APTX: variants seen among roughly 807,000 people sequenced by gnomAD.
APTX encodes aprataxin, also known as forkhead-associated domain histidine triad-like protein.
In APTX, 33 loss-of-function variants were observed where a neutral mutation model predicts 42.3. The ratio of observed to expected loss-of-function variants is 0.78; its 90% CI spans 0.59 to 1.04. The LOEUF (loss-of-function observed/expected upper bound fraction) is 1.04, where lower values mean the gene tolerates loss of function less well. APTX is among the 50% of genes least tolerant of loss of function. The pLI is 0.00. For synonymous variants in APTX, 130 were observed against 146.7 expected (o/e 0.89, Z 0.82); for missense variants, 421 against 415.1 (o/e 1.01, Z -0.12).
chr9:32,997,567 T>C (rs1157578614), intron 1 of APTX, among the ~76,000 whole-genome samples: 1 of 151,850 alleles, frequency 6.6e-6, no homozygotes, highest in Non-Finnish European at 1.5e-5. Context: ...AGCAGCCTAA[T>C]TAGGTGAGGA....
At chr9:32,974,185 T>A (rs1005785149) in intron 7 of APTX, among the ~76,000 whole-genome samples, 1 of 152,178 alleles carries the variant, frequency 6.6e-6, no homozygotes, top group Non-Finnish European at 1.5e-5. Flanking sequence ...CCACTAATTC[T>A]CACGGCAGCC....
chr9:32,978,228 C>G (rs775892796), intron 6 of APTX, among the ~76,000 whole-genome samples: 3 of 152,178 alleles, frequency 2.0e-5, no homozygotes, highest in Non-Finnish European at 4.4e-5. Context: ...GGAAACTCAG[C>G]AAGGCCTGTC....
At chr9:32,999,108 C>A (rs1207536533) in intron 1 of APTX, among the ~76,000 whole-genome samples, 1 of 152,160 alleles carries the variant, frequency 6.6e-6, no homozygotes, top group African/African-American at 2.4e-5. Context: ...TTGAATAAAT[C>A]ATCTGAGAGC....
At chr9:33,011,697 A>G (rs1445749234) in intron 1 of APTX, among the ~76,000 whole-genome samples, 1 of 152,202 alleles carries the variant, frequency 6.6e-6, no homozygotes, top group East Asian at 1.9e-4. Context: ...TTCATCAAAC[A>G]CTTAAGAGTG....
upstream of APTX, among the ~76,000 whole-genome samples, chr9:33,004,375 C>T (rs1385853066): frequency 2.0e-5 from 3 of 152,336 alleles, no homozygotes; most frequent in African/African-American, 4.8e-5. Flanking sequence ...CACCATTATA[C>T]ACTTCATCCA....
chr9:32,985,754 G>A (rs931764783), intron 5 of APTX, among the ~76,000 whole-genome samples: 4 of 152,168 alleles, frequency 2.6e-5, no homozygotes, highest in African/African-American at 9.7e-5. Context: ...ACAAGGCAGA[G>A]GGGATATTCA....
chr9:33,012,864 C>T (rs74907412), intron 1 of APTX, among the ~76,000 whole-genome samples: 10,739 of 152,252 alleles, frequency 0.071, 516 homozygotes, highest in Non-Finnish European at 0.11. Flanking sequence ...ATTCCTACCA[C>T]GTTCTGGAAG....
intron 1 of APTX, among the ~76,000 whole-genome samples, chr9:32,993,129 G>C (rs1205086740): frequency 6.6e-6 from 1 of 152,232 alleles, no homozygotes; most frequent in Non-Finnish European, 1.5e-5. Context: ...CCAGTGAGCA[G>C]CAGAGAGCAT....
intron 1 of APTX, among the ~76,000 whole-genome samples, chr9:33,020,895 C>T (rs758189698): frequency 3.3e-5 from 5 of 152,052 alleles, no homozygotes; most frequent in East Asian, 1.9e-4. Context: ...TTTGGGAGGC[C>T]GAGGCGGGCA....
intron 6 of APTX, among the ~76,000 whole-genome samples, chr9:32,982,164 A>G (rs750013554): frequency 2.0e-5 from 3 of 152,186 alleles, no homozygotes; most frequent in Non-Finnish European, 2.9e-5. Context: ...AAAAAAATGC[A>G]TAACGTCAAC....
chr9:32,972,982 T>C lies in APTX; in HGVS notation c.*516A>G, dbSNP rs563932179. 7.7e-5 allele frequency: 35 copies of C among 453,940 alleles called. No individual in the cohort carries two copies. The highest frequency in any genetic ancestry group is 6.8e-4 in the Middle Eastern group (1 of 1,466). The allele number at this position is 453,940 out of a possible 1,614,324, so 28.1% of individuals were successfully genotyped here. The stretch of plus-strand genomic sequence containing the variant: ...TTAGGTAATCTGGGATAGAAGGGCA[T>C]GGAAGGACTGGACAAACTAAGCCTC... On this transcript the variant is annotated 3_prime_UTR_variant, in exon 8 of 8. Coordinates refer to ENST00000379817, the MANE Select transcript of APTX (RefSeq NM_001195248.2).
intron 4 of APTX, 31 bp from the exon 5 acceptor site, chr9:32,986,061 A>AC: frequency 6.7e-7 from 1 of 1,484,752 alleles, no homozygotes; most frequent in African/African-American, 1.5e-5. Flanking sequence ...AAAACAAAAA[A>AC]AAAAAAAAAC....
At chr9:33,012,145 T>C (rs183022709) in intron 1 of APTX, among the ~76,000 whole-genome samples, 2 of 152,332 alleles carry the variant, frequency 1.3e-5, no homozygotes, top group Admixed American at 6.5e-5. Flanking sequence ...TCTGCTTTCA[T>C]AGAATAATAT....
At chr9:33,004,675 C>CAGG (rs1347266217), upstream of APTX, among the ~76,000 whole-genome samples, 1 of 148,690 alleles carries the variant, frequency 6.7e-6, no homozygotes, top group Non-Finnish European at 1.5e-5. Flanking sequence ...CTCTGTCACC[C>CAGG]AGGCTGGAGT....
At chr9:32,988,693 A>G (rs1480029583) in intron 2 of APTX, among the ~76,000 whole-genome samples, 1 of 145,516 alleles carries the variant, frequency 6.9e-6, no homozygotes, top group Non-Finnish European at 1.5e-5. Flanking sequence ...GAGGAAAAAA[A>G]AAAAAAAAAA....
At chr9:33,016,310 C>T (rs1837895237) in intron 1 of APTX, 1 of 152,152 alleles carries the variant, frequency 6.6e-6, no homozygotes, top group Non-Finnish European at 1.5e-5. Flanking sequence ...TCTCAATACA[C>T]TCAATTTTAG....
intron 6 of APTX, among the ~76,000 whole-genome samples, chr9:32,975,807 T>C (rs1411973041): frequency 1.3e-5 from 2 of 152,228 alleles, no homozygotes; most frequent in Non-Finnish European, 2.9e-5. Flanking sequence ...GGGTCAACTC[T>C]TCATGTAGAT....
At chr9:32,989,061 G>C (rs1832908160) in intron 2 of APTX, among the ~76,000 whole-genome samples, 1 of 152,190 alleles carries the variant, frequency 6.6e-6, no homozygotes. Context: ...AGTTGCTGTT[G>C]TGAGGAAGGG....
At chr9:32,993,931 C>T (rs1483892200) in intron 1 of APTX, among the ~76,000 whole-genome samples, 2 of 151,978 alleles carry the variant, frequency 1.3e-5, no homozygotes, top group Non-Finnish European at 2.9e-5. Context: ...GTTGGCCAGG[C>T]TGGTCTCGAA....
Sources: gnomAD v4.1 joint callset for allele counts (sites outside exome capture counted in the v4.1 genomes callset) on GRCh38, gnomAD v4.1.1 for gene constraint, MANE v1.5 for transcripts, NCBI Gene and HGNC (gene_info 2026-07-23, HGNC 2026-07-21) for gene names.